Variants in CENPL observed in about 807,000 individuals in gnomAD.
CENPL encodes the protein centromere protein L.
In CENPL, 20 loss-of-function variants were observed where a neutral mutation model predicts 35.2. The observed-to-expected ratio is 0.57, with a 90% CI of 0.40 to 0.83. CENPL has a LOEUF of 0.83. Among genes scored for constraint, CENPL ranks in the 40% least tolerant of loss-of-function variants. CENPL has a pLI of 0.00. For synonymous variants in CENPL, 140 were observed against 140.6 expected (o/e 1.00, Z 0.03); for missense variants, 363 against 395.8 (o/e 0.92, Z 0.70).
At chr1:173,809,703 A>G (rs1389448455) in intron 3 of CENPL, among the ~76,000 whole-genome samples, 1 of 152,172 alleles carries the variant, frequency 6.6e-6, no homozygotes, top group Non-Finnish European at 1.5e-5. Context: ...GCCAACAATC[A>G]TATGAAGAAA....
At chr1:173,818,557 T>A (rs1016470517) in intron 2 of CENPL, among the ~76,000 whole-genome samples, 1 of 152,218 alleles carries the variant, frequency 6.6e-6, no homozygotes, top group African/African-American at 2.4e-5. Context: ...GAAATACCTA[T>A]GGCATACATT....
chr1:173,806,487 G>C (rs1276366671), intron 4 of CENPL: 1 of 444,048 alleles, frequency 2.3e-6, no homozygotes, highest in Non-Finnish European at 4.5e-6. Context: ...GGAAGGCTAA[G>C]GTGGAAGGAT....
At chr1:173,800,957 A>T (rs959604623) in intron 5 of CENPL, among the ~76,000 whole-genome samples, 1 of 152,140 alleles carries the variant, frequency 6.6e-6, no homozygotes, top group Non-Finnish European at 1.5e-5. Context: ...ACTCTCTCTA[A>T]AACAAAAAAC....
chr1:173,814,960 G>A (rs890220417), intron 2 of CENPL, among the ~76,000 whole-genome samples: 1 of 152,136 alleles, frequency 6.6e-6, no homozygotes, highest in Admixed American at 6.5e-5. Context: ...AAGAAGAAAA[G>A]AGAGAAGAAG....
intron 2 of CENPL, chr1:173,823,613 A>C (rs993330034): frequency 2.6e-5 from 4 of 152,202 alleles, no homozygotes; most frequent in African/African-American, 9.7e-5. Flanking sequence ...TCCATGTGCC[A>C]TCTCCTCAGA....
intron 4 of CENPL, among the ~76,000 whole-genome samples, chr1:173,805,027 C>A (rs9425744): frequency 0.012 from 1,804 of 152,188 alleles, 45 homozygotes; most frequent in African/African-American, 0.042. Context: ...GTCTTGTAAC[C>A]CTATCAAGAA....
chr1:173,803,783 G>A (rs13375793), intron 4 of CENPL, among the ~76,000 whole-genome samples: 18 of 151,436 alleles, frequency 1.2e-4, no homozygotes, highest in African/African-American at 4.1e-4. Flanking sequence ...GTGATTCTCC[G>A]GCCTCAGCCT....
At chr1:173,810,099 T>A (rs763042432) in intron 3 of CENPL, among the ~76,000 whole-genome samples, 1 of 152,142 alleles carries the variant, frequency 6.6e-6, no homozygotes, top group East Asian at 1.9e-4. Flanking sequence ...AGCAAAGACA[T>A]GGAATCAACC....
chr1:173,809,305 T>C (rs983159820), intron 3 of CENPL, among the ~76,000 whole-genome samples: 1 of 151,788 alleles, frequency 6.6e-6, no homozygotes, highest in Admixed American at 6.6e-5. Flanking sequence ...ATCGTACCAT[T>C]GCACTCCAGC....
In CENPL at chr1:173,800,166, T is replaced by A. The variant is rs777900676; in HGVS notation, c.*282A>T. 5.0e-6 allele frequency: 1 copy of A among 201,030 alleles called. No individual in the cohort carries two copies. Among genetic ancestry groups the A allele is most frequent in the Non-Finnish European group, 1.0e-5 (1 of 98,640 alleles). The allele number at this position is 201,030 out of a possible 1,614,324, so 12.5% of individuals were successfully genotyped here. On this transcript the variant is annotated 3_prime_UTR_variant, in exon 6 of 6. Transcript: ENST00000682279. The stretch of plus-strand genomic sequence containing the variant: ...TGAGCCACCAAGCCCAGCCTATATA[T>A]ATATATTTAAAGATGACAAGAAATT...
chr1:173,807,268 T>C lies in CENPL; in HGVS notation c.419A>G (p.Gln140Arg), dbSNP rs1007733437. 6.2e-7 allele frequency: 1 copy of C among 1,603,424 alleles called. No homozygotes were observed. The highest frequency in any genetic ancestry group is 1.3e-5 in the African/African-American group (1 of 74,506). ...GCAAGAACTGTTTATGTATTATACC[T>C]GGACAAGAAATGCTTCCGGGTCCCT... is the stretch of plus-strand genomic sequence containing the variant. The part of the protein sequence containing the change: ...TQRDPEAFLV[Q>R]IVSKSQLPSE... The change falls in exon 4 of 6, where the codon CAG becomes CGG. Residue 140 changes from glutamine (Q) to arginine (R), a missense_variant and splice_region_variant. Gln to Arg is a conservative substitution (Grantham distance 43). Transcript: ENST00000682279.
chr1:173,812,470 A>G (rs558588413), intron 2 of CENPL, among the ~76,000 whole-genome samples: 1 of 152,340 alleles, frequency 6.6e-6, no homozygotes, highest in Middle Eastern at 3.4e-3. Context: ...AAGCTTCCAG[A>G]GGAAGGATCA....
At chr1:173,817,379 A>C (rs1208155733) in intron 2 of CENPL, among the ~76,000 whole-genome samples, 1 of 152,260 alleles carries the variant, frequency 6.6e-6, no homozygotes, top group Non-Finnish European at 1.5e-5. Flanking sequence ...GAAGACATTT[A>C]TGAAGCCAAC....
intron 2 of CENPL, chr1:173,822,749 T>G (rs1391576978): frequency 6.6e-6 from 1 of 152,308 alleles, no homozygotes; most frequent in Admixed American, 6.5e-5. Flanking sequence ...CACATATTTC[T>G]TTTTTGAAGA....
chr1:173,820,711 C>T (rs1305134569), intron 2 of CENPL, among the ~76,000 whole-genome samples: 1 of 152,244 alleles, frequency 6.6e-6, no homozygotes, highest in Non-Finnish European at 1.5e-5. Context: ...GGTACATCCA[C>T]ACCATGTAAT....
intron 2 of CENPL, among the ~76,000 whole-genome samples, chr1:173,816,254 C>T (rs1265409732): frequency 1.3e-5 from 2 of 152,182 alleles, no homozygotes; most frequent in African/African-American, 4.8e-5. Context: ...AATGGCCATA[C>T]TGCCCAAGGT....
In CENPL at chr1:173,807,282, T is replaced by A; in HGVS notation, c.405A>T (p.Glu135Asp). The A allele has an allele frequency of 6.2e-7, 1 of 1,607,628 alleles. No individual in the cohort carries two copies. The highest frequency in any genetic ancestry group is 8.5e-7 in the Non-Finnish European group (1 of 1,175,856). Reference protein sequence around the residue: ...LGMKGTQRDPEAFLVQIVSKS... With the variant: ...LGMKGTQRDPDAFLVQIVSKS... ...TGTATTATACCTGGACAAGAAATGC[T>A]TCCGGGTCCCTTTGTGTTCCTTTCA... The change falls in exon 4 of 6, where the codon GAA (glutamate) becomes GAT (aspartate). Residue 135 changes from glutamate (E) to aspartate (D), a missense_variant. Transcript: ENST00000682279.
chr1:173,811,996 G>A (rs919513536), intron 2 of CENPL, among the ~76,000 whole-genome samples: 11 of 152,368 alleles, frequency 7.2e-5, no homozygotes, highest in Middle Eastern at 6.8e-3. Context: ...CCTGGCAACC[G>A]GCAGACTAGG....
At chr1:173,813,878 G>A (rs964084377) in intron 2 of CENPL, among the ~76,000 whole-genome samples, 6 of 152,038 alleles carry the variant, frequency 3.9e-5, no homozygotes, top group East Asian at 1.9e-4. Flanking sequence ...GACACAGACC[G>A]GCAAATTGGA....
Sources: allele counts gnomAD v4.1 joint callset (sites outside exome capture counted in the v4.1 genomes callset), GRCh38; gene constraint gnomAD v4.1.1; transcripts MANE v1.5; gene names NCBI Gene and HGNC (gene_info 2026-07-23, HGNC 2026-07-21).